The following MAPT variants were observed in gnomAD, a reference collection of about 807,000 sequenced individuals.
MAPT encodes the protein microtubule associated protein tau.
Under a neutral mutation model 67.9 loss-of-function variants are expected in MAPT, and 34 were observed. The ratio of observed to expected loss-of-function variants is 0.50; its 90% CI spans 0.38 to 0.67. MAPT has a LOEUF of 0.67. Ranked by LOEUF, MAPT falls within the 30% of genes least tolerant of loss-of-function variation. MAPT has a pLI of 0.00. For missense variants in MAPT, 881 were observed against 1,115.2 expected (o/e 0.79, Z 2.99); for synonymous variants, 456 against 464.5 (o/e 0.98, Z 0.23).
chr17:45,957,797 A>G lies in MAPT; in HGVS notation c.-17-4524A>G, dbSNP rs2069906024. Reference sequence around the variant, plus strand: ...ATATCATGAAGGGAGCAATTTTTATAGTTTTGGCCTATAATACAATTCCAG... The same window carrying G: ...ATATCATGAAGGGAGCAATTTTTATGGTTTTGGCCTATAATACAATTCCAG... On this transcript the variant is annotated intron_variant, in intron 1 of 12. Transcript: ENST00000262410. Among the ~76,000 whole-genome samples the G allele has an allele frequency of 2.0e-5, 3 of 152,208 alleles. No homozygotes were observed. In the South Asian group the frequency reaches 6.2e-4, roughly 31 times the overall value.
At chr17:45,939,235 A>AG (rs66898308) in intron 1 of MAPT, among the ~76,000 whole-genome samples, 21,820 of 152,190 alleles carry the variant, frequency 0.14, 2,134 homozygotes, top group Middle Eastern at 0.22. Context: ...CTGGGATTAC[A>AG]GCATGAGCCA....
intron 1 of MAPT, among the ~76,000 whole-genome samples, chr17:45,902,730 C>T (rs1319820129): frequency 6.6e-6 from 1 of 152,184 alleles, no homozygotes; most frequent in African/African-American, 2.4e-5. Context: ...TTTAAATTCC[C>T]TTTGCTATAT....
rs371071165 is a variant in MAPT, at chr17:45,974,435, G to A, written c.220+2490G>A. On this transcript the variant is annotated intron_variant, in intron 3 of 12. Transcript: ENST00000262410. ...GGGAGCTCCCGGCAAGCAGGCTGCC[G>A]CGCAGCCCCACACGGAGATCCCAGA... 3.0e-5 allele frequency: 48 copies of A among 1,610,148 alleles called. No individual in the cohort carries two copies. The highest frequency in any genetic ancestry group is 3.6e-5 in the Non-Finnish European group (43 of 1,179,020).
At chr17:45,940,871 C>CA (rs1268685270) in intron 1 of MAPT, among the ~76,000 whole-genome samples, 1 of 152,186 alleles carries the variant, frequency 6.6e-6, no homozygotes, top group African/African-American at 2.4e-5. Flanking sequence ...TAGGTGCTAT[C>CA]AAGGGGCTTT....
At chr17:45,898,476 G>A (rs886873882) in intron 1 of MAPT, 1 of 152,232 alleles carries the variant, frequency 6.6e-6, no homozygotes, top group African/African-American at 2.4e-5. Flanking sequence ...GCCCTTGGAG[G>A]TCGGTGCCAG....
In MAPT at chr17:45,983,150, C is replaced by A. The variant is rs773168818; in HGVS notation, c.571C>A (p.Pro191Thr). 1 of 1,599,034 alleles carries A rather than the reference C, an allele frequency of 6.3e-7. No individual in the cohort carries two copies. The highest frequency in any genetic ancestry group is 2.2e-5 in the East Asian group (1 of 44,566). The stretch of plus-strand genomic sequence containing the variant: ...CGAGAAGGGTCCGGCCTTTCCGAAG[C>A]CCGCCACCACTGCGTATCTCCACAC... ...WAEKGPAFPK[P>T]ATTAYLHTEP... Residue 191 changes from proline (P) to threonine (T), a missense_variant, in exon 5 of 13, where the codon CCC (proline) becomes ACC (threonine). Physicochemically the swap from Pro to Thr is conservative, Grantham distance 38 (BLOSUM62 -1). Around this residue, in one of 6 missense-constraint regions of MAPT, gnomAD observed 687 missense variants for 766.1 expected, o/e 0.90. Coordinates refer to ENST00000262410, the MANE Select transcript of MAPT (RefSeq NM_001377265.1).
At chr17:45,994,486 T>C (rs931166911) in intron 8 of MAPT, among the ~76,000 whole-genome samples, 1 of 151,958 alleles carries the variant, frequency 6.6e-6, no homozygotes, top group Non-Finnish European at 1.5e-5. Context: ...AGAGGCTTCG[T>C]TTGTCCTATT....
intron 1 of MAPT, among the ~76,000 whole-genome samples, chr17:45,901,914 CTT>C (rs55738902): frequency 6.9e-4 from 91 of 132,090 alleles, no homozygotes; most frequent in Middle Eastern, 8.0e-3. Flanking sequence ...AGGGATTTTA[CTT>C]TTTTTTTTTT....
chr17:45,948,008 T>TTTTA, intron 1 of MAPT, among the ~76,000 whole-genome samples: 1 of 151,640 alleles, frequency 6.6e-6, no homozygotes, highest in Middle Eastern at 3.2e-3. Context: ...TGTTGTTATT[T>TTTTA]TTTATTTATT....
chr17:45,905,962 C>G (rs2064279000), intron 1 of MAPT, among the ~76,000 whole-genome samples: 1 of 152,250 alleles, frequency 6.6e-6, no homozygotes, highest in Non-Finnish European at 1.5e-5. Flanking sequence ...AATAGTATAG[C>G]TGCTGCCACC....
chr17:45,945,153 C>T (rs150801812), intron 1 of MAPT, among the ~76,000 whole-genome samples: 1 of 152,148 alleles, frequency 6.6e-6, no homozygotes, highest in African/African-American at 2.4e-5. Flanking sequence ...CCAGTGCCAC[C>T]GAAGGCTGAG....
At chr17:46,015,969 G>A (rs1301277334) in intron 11 of MAPT, among the ~76,000 whole-genome samples, 1 of 152,222 alleles carries the variant, frequency 6.6e-6, no homozygotes, top group Non-Finnish European at 1.5e-5. Context: ...TCAGACTCGA[G>A]GTTCAGCTAT....
intron 1 of MAPT, among the ~76,000 whole-genome samples, chr17:45,953,601 T>C (rs574445049): frequency 6.6e-6 from 1 of 152,312 alleles, no homozygotes; most frequent in Admixed American, 6.5e-5. Flanking sequence ...GTAGCCTGTA[T>C]TTTAAGGATG....
chr17:46,009,363 T>G (rs2075670151), intron 9 of MAPT, among the ~76,000 whole-genome samples: 1 of 114,544 alleles, frequency 8.7e-6, no homozygotes, highest in South Asian at 2.4e-4. Context: ...TATTTCATAG[T>G]TCTTAGGCAA....
chr17:45,999,621 T>C, intron 9 of MAPT: 1 of 1,612,118 alleles, frequency 6.2e-7, no homozygotes. Context: ...CTGCCCTGCC[T>C]CTGCCCATGA....
rs547704091 is a variant in MAPT, at chr17:45,994,055, G to A, written c.1733-2344G>A. 211 of 1,396,950 alleles carry A rather than the reference G, an allele frequency of 1.5e-4. 3 individuals are homozygous for A. In the East Asian group the frequency reaches 4.2e-3, roughly 28 times the overall value. The allele number at this position is 1,396,950 out of a possible 1,614,324, so 86.5% of individuals were successfully genotyped here. ...TTCACTGGCTTGTGTTTCTAGAGCCGGGAGGACCCTTTTCTGCAATGCAGG... is the reference window on the plus strand; with the variant it reads ...TTCACTGGCTTGTGTTTCTAGAGCCAGGAGGACCCTTTTCTGCAATGCAGG... On this transcript the variant is annotated intron_variant, in intron 8 of 12. Transcript: ENST00000262410.
chr17:45,999,205 T>TC, intron 9 of MAPT: 1 of 1,531,140 alleles, frequency 6.5e-7, no homozygotes, highest in Middle Eastern at 2.4e-4. Context: ...CTTCCTGGAT[T>TC]CCCCTCTCTC....
chr17:45,975,475 G>A (rs1304679519), intron 3 of MAPT: 1 of 152,220 alleles, frequency 6.6e-6, no homozygotes, highest in African/African-American at 2.4e-5. Flanking sequence ...CAGAGGGGAT[G>A]TCCTCGAAGC....
At position 45,983,930 on chromosome 17, in the gene MAPT, G is replaced by T. The variant is rs1247283110; in HGVS notation, c.1351G>T (p.Ala451Ser). ...KPVSRVPQLK[A>S]RMVSKSKDGT... ...CGTCAGCCGGGTCCCTCAACTCAAA[G>T]GTCTGTGTCTTGAGCTTCTTCGCTC... Residue 451 changes from alanine (A) to serine (S), a missense_variant and splice_region_variant, in exon 5 of 13, where the codon GCT becomes TCT. Transcript: ENST00000262410. 1.3e-6 allele frequency: 2 copies of T among 1,557,048 alleles called. No homozygotes were observed. Among genetic ancestry groups the T allele is most frequent in the Non-Finnish European group, 1.7e-6 (2 of 1,156,952 alleles).
Sources: gnomAD v4.1 joint callset for allele counts (sites outside exome capture counted in the v4.1 genomes callset) on GRCh38, gnomAD v4.1.1 for gene constraint, gnomAD v4.1.1 regional missense constraint, MANE v1.5 for transcripts, NCBI Gene and HGNC (gene_info 2026-07-23, HGNC 2026-07-21) for gene names.